Variants in TOP2B observed in about 807,000 individuals in gnomAD.
TOP2B encodes DNA topoisomerase 2-beta.
In TOP2B, 51 loss-of-function variants were observed where a neutral mutation model predicts 193.5. That is an observed-to-expected ratio of 0.26 (90% confidence interval 0.21 to 0.33). TOP2B has a LOEUF of 0.33. TOP2B is among the 10% of genes least tolerant of loss of function. The pLI, the probability that TOP2B is intolerant of heterozygous loss-of-function variation, is 1.00. For synonymous variants in TOP2B, 634 were observed against 635.7 expected, an observed-to-expected ratio of 1.00 and a Z score of 0.04; for missense variants, 1,378 against 1,909.3, an observed-to-expected ratio of 0.72 and a Z score of 5.19.
In TOP2B at chr3:25,629,043, T is replaced by C; in HGVS notation, c.1792A>G (p.Ile598Val). The change falls in exon 14 of 36, where the codon ATT becomes GTT. Residue 598 changes from isoleucine (I) to valine (V), a missense_variant. Around this residue, in one of 9 missense-constraint regions of TOP2B, gnomAD observed 7 missense variants for 48.8 expected, o/e 0.14. Transcript: ENST00000264331. ...HGFLEEFITPIVKASKNKQEL... is the reference protein window; with the variant it reads ...HGFLEEFITPVVKASKNKQEL... Reference sequence around the variant, plus strand: ...ATTAATGCAAAGAGTACCTTTACAATAGGAGTAATGAACTCTTCAAGAAAA... The same window carrying C: ...ATTAATGCAAAGAGTACCTTTACAACAGGAGTAATGAACTCTTCAAGAAAA... 1 of 1,593,944 alleles carries C rather than the reference T, an allele frequency of 6.3e-7. No individual in the cohort carries two copies. The highest frequency in any genetic ancestry group is 1.2e-5 in the South Asian group (1 of 86,406).
intron 25 of TOP2B, chr3:25,618,120 A>C (rs1224430307): frequency 9.5e-6 from 3 of 317,292 alleles, no homozygotes; most frequent in Non-Finnish European, 1.7e-5. Context: ...CACCACCACA[A>C]CACCTTTTAA....
In TOP2B at chr3:25,635,979, G is replaced by A. The variant is rs1479706479; in HGVS notation, c.809C>T (p.Ser270Leu). Residue 270 changes from serine (S) to leucine (L), a missense_variant, in exon 7 of 36, where the codon TCG becomes TTG. Coordinates refer to ENST00000264331, the MANE Select transcript of TOP2B (RefSeq NM_001330700.2). The part of the protein sequence containing the change: ...MTRRAYDLAG[S>L]CRGVKVMFNG... ...AAACATGACCTTGACCCCTCTACAC[G>A]AACCAGCCAAATCATATGCCCTTCT... 1.9e-6 allele frequency: 3 copies of A among 1,613,186 alleles called. No individual in the cohort carries two copies. The highest frequency in any genetic ancestry group is 1.7e-5 in the Admixed American group (1 of 59,958).
At chr3:25,633,027 G>A (rs760353343) in intron 8 of TOP2B, among the ~76,000 whole-genome samples, 19 of 151,914 alleles carry the variant, frequency 1.3e-4, no homozygotes, top group African/African-American at 4.1e-4. Context: ...CAATTCTCAG[G>A]TGCTTTCAAC....
At chr3:25,630,727 G>T (rs1702930460) in intron 11 of TOP2B, 74 bp downstream of exon 11, 5 of 1,340,052 alleles carry the variant, frequency 3.7e-6, no homozygotes, top group Non-Finnish European at 3.9e-6. Context: ...ACTATATGTA[G>T]AAAATAAAAA....
chr3:25,611,071 T>G (rs1702356883), intron 28 of TOP2B, among the ~76,000 whole-genome samples: 1 of 152,208 alleles, frequency 6.6e-6, no homozygotes, highest in Non-Finnish European at 1.5e-5. Flanking sequence ...CATGCTGAGT[T>G]TGATGGGCTT....
intron 27 of TOP2B, 131 bp downstream of exon 27, chr3:25,615,074 A>T: frequency 1.6e-6 from 1 of 628,072 alleles, no homozygotes; most frequent in Non-Finnish European, 2.5e-6. Flanking sequence ...CTAGAAGCTT[A>T]AGCCTAACTC....
intron 34 of TOP2B, among the ~76,000 whole-genome samples, chr3:25,599,844 G>T (rs1297114847): frequency 6.6e-6 from 1 of 152,166 alleles, no homozygotes; most frequent in Non-Finnish European, 1.5e-5. Context: ...AAATATCTTG[G>T]AAGAGTACTT....
Position 25,627,202 on chromosome 3 carries a change from A to G in TOP2B, c.2001T>C (p.Asp667=). The G allele has an allele frequency of 6.2e-7, 1 of 1,600,716 alleles. No homozygotes were observed. The highest frequency in any genetic ancestry group is 8.5e-7 in the Non-Finnish European group (1 of 1,175,698). ...ACTTAATTACCAAGGTAATGGCAGCATCATCTTCAGGACCAGCATATCTAA... is the reference window on the plus strand; with the variant it reads ...ACTTAATTACCAAGGTAATGGCAGCGTCATCTTCAGGACCAGCATATCTAA... ...ILFRYAGPED[D]AAITLAFSKK... is the part of the protein sequence containing the mutation. Residue 667 remains aspartate, a synonymous_variant, in exon 16 of 36, where the codon GAT becomes GAC. Coordinates refer to ENST00000264331, the MANE Select transcript of TOP2B (RefSeq NM_001330700.2).
In TOP2B at chr3:25,661,788, G is replaced by A. The variant is rs968700908; in HGVS notation, c.69+2441C>T. Among the ~76,000 whole-genome samples the A allele has an allele frequency of 4.6e-5, 7 of 152,276 alleles. No individual in the cohort carries two copies. In the South Asian group the frequency reaches 8.3e-4, roughly 18 times the overall value. ...CAGATATTGAAAGGCAAATTTTCATGCAATGACATTAACAACACATGCTGG... is the reference window on the plus strand; with the variant it reads ...CAGATATTGAAAGGCAAATTTTCATACAATGACATTAACAACACATGCTGG... On this transcript the variant is annotated intron_variant, in intron 1 of 35. Coordinates refer to ENST00000264331, the MANE Select transcript of TOP2B (RefSeq NM_001330700.2).
At chr3:25,635,488 T>A (rs191328614) in intron 7 of TOP2B, among the ~76,000 whole-genome samples, 37 of 152,212 alleles carry the variant, frequency 2.4e-4, no homozygotes, top group Non-Finnish European at 4.4e-4. Flanking sequence ...GTAGACAATA[T>A]GCAACTTCAG....
At chr3:25,618,277 T>A (rs1702564342) in intron 25 of TOP2B, 141 bp downstream of exon 25, 1 of 633,026 alleles carries the variant, frequency 1.6e-6, no homozygotes, top group Non-Finnish European at 2.8e-6. Context: ...GTTCTGTGGA[T>A]AAACAGAAGA....
chr3:25,604,725 T>C lies in TOP2B; in HGVS notation c.4489+35A>G, dbSNP rs903059038. The C allele has an allele frequency of 4.1e-6, 6 of 1,446,918 alleles. No individual in the cohort carries two copies. The African/African-American group carries it at 8.4e-5, about 20-fold the overall frequency. The allele number at this position is 1,446,918 out of a possible 1,614,324, so 89.6% of individuals were successfully genotyped here. On this transcript the variant is annotated intron_variant, in intron 33 of 35. Coordinates refer to ENST00000264331, the MANE Select transcript of TOP2B (RefSeq NM_001330700.2). The stretch of plus-strand genomic sequence containing the variant: ...TTTCCTTTTACATTAACTATCTCTA[T>C]CCAATGCTTAACTCAATCAAATATA...
chr3:25,661,406 T>A (rs1008844430), intron 1 of TOP2B, among the ~76,000 whole-genome samples: 5 of 152,240 alleles, frequency 3.3e-5, no homozygotes, highest in African/African-American at 1.2e-4. Flanking sequence ...TTTTTTTTAA[T>A]CTACCAAGTT....
chr3:25,648,199 T>C (rs556536207), intron 1 of TOP2B, among the ~76,000 whole-genome samples: 65 of 152,170 alleles, frequency 4.3e-4, no homozygotes, highest in Non-Finnish European at 8.8e-4. Context: ...AAAAGCAAAG[T>C]GCTTTGGTTT....
chr3:25,621,154 C>A (rs953524779), intron 21 of TOP2B, among the ~76,000 whole-genome samples: 1 of 152,216 alleles, frequency 6.6e-6, no homozygotes, highest in African/African-American at 2.4e-5. Flanking sequence ...TGGACCCAAT[C>A]TGGCTTTCAA....
rs1021353032 is a variant in TOP2B, at chr3:25,664,323, C to T, written c.-26G>A. 32 of 1,472,590 alleles carry T rather than the reference C, an allele frequency of 2.2e-5. No homozygotes were observed. Among genetic ancestry groups the T allele is most frequent in the Non-Finnish European group, 2.7e-5 (30 of 1,120,570 alleles). The allele number at this position is 1,472,590 out of a possible 1,614,324, so 91.2% of individuals were successfully genotyped here. On this transcript the variant is annotated 5_prime_UTR_variant, in exon 1 of 36. Coordinates refer to ENST00000264331, the MANE Select transcript of TOP2B (RefSeq NM_001330700.2). The stretch of plus-strand genomic sequence containing the variant: ...GGCGAGTGCCTCCAGCTCACAGGCC[C>T]TGAGGCCGCAGCCGCCGCTCCCGCC...
In TOP2B at chr3:25,624,442, C is replaced by A; in HGVS notation, c.2350G>T (p.Ala784Ser). The change falls in exon 20 of 36, where the codon GCA (alanine) becomes TCA (serine). Residue 784 changes from alanine to serine, a missense_variant. By Grantham distance (99) the Ala-to-Ser change is moderately conservative. This residue lies in a region of TOP2B where 379 missense variants were observed against 615.1 expected (regional missense o/e 0.62). Coordinates refer to ENST00000264331, the MANE Select transcript of TOP2B (RefSeq NM_001330700.2). ...AAATTCACAATAGTCATCATCAATG[C>A]TTGCTATACAACAGAAGAAGGCAGA... ...EMSAYHHGEQALMMTIVNLAQ... is the reference protein window; with the variant it reads ...EMSAYHHGEQSLMMTIVNLAQ... 1 of 1,613,548 alleles carries A rather than the reference C, an allele frequency of 6.2e-7. No individual in the cohort carries two copies. Among genetic ancestry groups the A allele is most frequent in the Non-Finnish European group, 8.5e-7 (1 of 1,179,712 alleles).
In TOP2B at chr3:25,664,412, G is replaced by C; in HGVS notation, c.-115C>G. ...CGCTCCACTCGCCGCACTCCTAGCC[G>C]CGCCGACCCCCGCGCCCCATCGCGA... On this transcript the variant is annotated 5_prime_UTR_variant, in exon 1 of 36. Transcript: ENST00000264331. The C allele has an allele frequency of 2.3e-6, 3 of 1,289,344 alleles. No individual in the cohort carries two copies. Among genetic ancestry groups the C allele is most frequent in the Non-Finnish European group, 2.9e-6 (3 of 1,024,948 alleles). 79.9% of individuals were successfully genotyped at this position (1,289,344 alleles called of 1,614,324 possible).
intron 27 of TOP2B, among the ~76,000 whole-genome samples, chr3:25,612,995 A>C: frequency 6.6e-6 from 1 of 152,226 alleles, no homozygotes; most frequent in East Asian, 1.9e-4. Context: ...ATCCCGTGAT[A>C]TATTATGGAA....
Sources: gnomAD v4.1 joint callset for allele counts (sites outside exome capture counted in the v4.1 genomes callset) on GRCh38, gnomAD v4.1.1 for gene constraint, gnomAD v4.1.1 regional missense constraint, MANE v1.5 for transcripts, NCBI Gene and HGNC (gene_info 2026-07-23, HGNC 2026-07-21) for gene names.